The following MICAL2 variants were observed in gnomAD, a reference collection of about 807,000 sequenced individuals.
The protein encoded by MICAL2 is [F-actin]-monooxygenase MICAL2.
MICAL2 carries 77 observed loss-of-function variants against 127.3 expected under a neutral mutation model. The observed-to-expected ratio is 0.60, with a 90% CI of 0.50 to 0.73. The LOEUF (loss-of-function observed/expected upper bound fraction) is 0.73, where lower values mean the gene tolerates loss of function less well. Among genes scored for constraint, MICAL2 ranks in the 30% least tolerant of loss-of-function variants. The pLI, the probability that MICAL2 is intolerant of heterozygous loss-of-function variation, is 0.00. For missense variants in MICAL2, 1,351 were observed against 1,434.4 expected (o/e 0.94, Z 0.94); for synonymous variants, 570 against 551.1 (o/e 1.03, Z -0.48).
At chr11:12,234,074 C>G (rs776961050) in intron 15 of MICAL2, among the ~76,000 whole-genome samples, 1 of 152,082 alleles carries the variant, frequency 6.6e-6, no homozygotes, top group Non-Finnish European at 1.5e-5. Flanking sequence ...CTGAGGTTGT[C>G]CCCGTCCATG....
At chr11:12,300,162 G>A (rs1989714) in intron 29 of MICAL2, among the ~76,000 whole-genome samples, 62,927 of 151,690 alleles carry the variant, frequency 0.41, 15,073 homozygotes, top group Non-Finnish European at 0.55. Context: ...GGGCATGGTG[G>A]CAGGTGCTGT....
intron 2 of MICAL2, among the ~76,000 whole-genome samples, chr11:12,150,849 C>A (rs983055749): frequency 1.3e-5 from 2 of 152,162 alleles, no homozygotes; most frequent in African/African-American, 4.8e-5. Flanking sequence ...CTACCCTCAA[C>A]TTTTATGTGA....
At chr11:12,313,961 A>ATTTTTTTTTTTTTTT (rs60681621) in intron 29 of MICAL2, among the ~76,000 whole-genome samples, 5 of 43,780 alleles carry the variant, frequency 1.1e-4, no homozygotes, top group East Asian at 6.3e-4. Flanking sequence ...TCTTGGTCTG[A>ATTTTTTTTTTTTTTT]TTTTTTTTTT....
intron 2 of MICAL2, among the ~76,000 whole-genome samples, chr11:12,146,381 C>T (rs1474792886): frequency 6.6e-6 from 1 of 152,110 alleles, no homozygotes; most frequent in Non-Finnish European, 1.5e-5. Context: ...AAAAGACAAC[C>T]CCATCAACAA....
chr11:12,163,458 T>C (rs1240827637), intron 3 of MICAL2, among the ~76,000 whole-genome samples: 1 of 152,216 alleles, frequency 6.6e-6, no homozygotes, highest in Admixed American at 6.5e-5. Flanking sequence ...GTTTTTGTTT[T>C]GGTGGTGAGA....
intron 8 of MICAL2, among the ~76,000 whole-genome samples, chr11:12,216,610 C>T (rs561595922): frequency 3.9e-5 from 6 of 152,250 alleles, no homozygotes; most frequent in Admixed American, 3.3e-4. Context: ...TCCAGCCTTG[C>T]CTCTTCTCTG....
intron 1 of MICAL2, among the ~76,000 whole-genome samples, chr11:12,278,699 G>T (rs1863743823): frequency 1.3e-5 from 2 of 152,212 alleles, no homozygotes; most frequent in African/African-American, 4.8e-5. Flanking sequence ...GGGTCAGGAT[G>T]GGAGCAGTGG....
chr11:12,323,953 T>G lies in MICAL2; in HGVS notation c.5329-25T>G, dbSNP rs571377546. The G allele has an allele frequency of 1.3e-4, 206 of 1,585,666 alleles. 1 individual carries two copies. The South Asian group carries it at 2.2e-3, about 17-fold the overall frequency. On this transcript the variant is annotated intron_variant, in intron 30 of 34. Transcript: ENST00000646065. ...TCAACCCCATTTTTCTCTGACATAATTTTTTTCTCCATTGGTTTTCATAGG... is the reference window on the plus strand; with the variant it reads ...TCAACCCCATTTTTCTCTGACATAAGTTTTTTCTCCATTGGTTTTCATAGG...
At chr11:12,324,200 TGAGGAA>T in intron 31 of MICAL2, 1 of 1,101,746 alleles carries the variant, frequency 9.1e-7, no homozygotes, top group Non-Finnish European at 1.2e-6. Context: ...TCTTGTTCTC[TGAGGAA>T]CCAGATTTGT....
At chr11:12,359,395 G>T (rs867520708), downstream of MICAL2, among the ~76,000 whole-genome samples, 70 of 151,892 alleles carry the variant, frequency 4.6e-4, no homozygotes, top group Middle Eastern at 3.4e-3. Context: ...TGGTGAGGTT[G>T]GTGCCGCTAC....
chr11:12,300,325 G>A (rs561579330), intron 29 of MICAL2, among the ~76,000 whole-genome samples: 10 of 152,104 alleles, frequency 6.6e-5, no homozygotes, highest in Admixed American at 4.6e-4. Flanking sequence ...TCTGGAATAC[G>A]GTGGGAACAT....
intron 32 of MICAL2, among the ~76,000 whole-genome samples, chr11:12,343,520 A>G (rs1938903941): frequency 6.6e-6 from 1 of 152,078 alleles, no homozygotes; most frequent in South Asian, 2.1e-4. Context: ...TGTCAAGGGG[A>G]ATCAGTGTGG....
intron 1 of MICAL2, among the ~76,000 whole-genome samples, chr11:12,132,678 G>C (rs751671050): frequency 6.6e-6 from 1 of 152,194 alleles, no homozygotes; most frequent in Non-Finnish European, 1.5e-5. Flanking sequence ...GCTTGGGATG[G>C]CTTCTTGATC....
intron 22 of MICAL2, 149 bp downstream of exon 22, chr11:12,249,395 G>A: frequency 1.6e-6 from 1 of 606,720 alleles, no homozygotes; most frequent in South Asian, 2.0e-5. Flanking sequence ...ACATGTGCTT[G>A]TACTGGGAGC....
chr11:12,323,313 C>G (rs777439875), intron 30 of MICAL2, among the ~76,000 whole-genome samples: 26 of 152,114 alleles, frequency 1.7e-4, no homozygotes, highest in Non-Finnish European at 3.8e-4. Flanking sequence ...CAATCTCATG[C>G]TTCCCTCAAG....
At chr11:12,175,952 G>T (rs1005769017) in intron 3 of MICAL2, among the ~76,000 whole-genome samples, 3 of 152,182 alleles carry the variant, frequency 2.0e-5, no homozygotes, top group Non-Finnish European at 4.4e-5. Context: ...CTTTTACTCT[G>T]CATGAGATGC....
intron 3 of MICAL2, among the ~76,000 whole-genome samples, chr11:12,165,804 G>A (rs1855443155): frequency 6.6e-6 from 1 of 152,246 alleles, no homozygotes; most frequent in Non-Finnish European, 1.5e-5. Flanking sequence ...AGGTGTCAGG[G>A]GACAAGCAGA....
intron 3 of MICAL2, chr11:12,197,612 C>G (rs933914784): frequency 6.6e-6 from 1 of 152,188 alleles, no homozygotes. Flanking sequence ...ACCCTGACTT[C>G]GGGGAACCTA....
At chr11:12,185,811 A>G (rs920486185) in intron 3 of MICAL2, among the ~76,000 whole-genome samples, 1 of 152,256 alleles carries the variant, frequency 6.6e-6, no homozygotes, top group African/African-American at 2.4e-5. Flanking sequence ...GAGGAAGCCA[A>G]AGTGACCCTT....
Sources: gnomAD v4.1 joint callset for allele counts (sites outside exome capture counted in the v4.1 genomes callset) on GRCh38, gnomAD v4.1.1 for gene constraint, MANE v1.5 for transcripts, NCBI Gene and HGNC (gene_info 2026-07-23, HGNC 2026-07-21) for gene names.